The following ZNF487 variants were observed in gnomAD, a reference collection of about 807,000 sequenced individuals.
ZNF487 encodes zinc finger protein 487, also known as KRAB domain only 1.
A neutral mutation model predicts 3.0 loss-of-function variants in ZNF487; 4 were observed. The observed-to-expected ratio is 1.35, with a 90% CI of 0.66 to 3.08. The LOEUF (loss-of-function observed/expected upper bound fraction) is 3.08, where lower values mean the gene tolerates loss of function less well. Ranked by LOEUF, ZNF487 falls within the 30% of genes most tolerant of loss-of-function variation. The pLI is 0.01. For synonymous variants in ZNF487, 55 were observed against 34.6 expected (o/e 1.59, Z -2.06); for missense variants, 146 against 98.7 (o/e 1.48, Z -2.03).
chr10:43,491,877 A>T, the ZNF487 span, among the ~76,000 whole-genome samples: 2 of 151,832 alleles, frequency 1.3e-5, no homozygotes, highest in Non-Finnish European at 2.9e-5. Flanking sequence ...TGTAGGACTT[A>T]TTGAGCAAGA....
chr10:43,478,062 T>C (rs904392952), intron 3 of ZNF487, among the ~76,000 whole-genome samples: 1 of 151,972 alleles, frequency 6.6e-6, no homozygotes, highest in Non-Finnish European at 1.5e-5. Context: ...GAAATCATAA[T>C]ACAGTTAAAG....
intron 1 of ZNF487, among the ~76,000 whole-genome samples, chr10:43,463,225 A>T (rs1240969709): frequency 4.3e-5 from 6 of 139,226 alleles, no homozygotes; most frequent in African/African-American, 1.6e-4. Context: ...CAAGAGCAAA[A>T]CTCCATCTCA....
chr10:43,507,646 G>T, the ZNF487 span, among the ~76,000 whole-genome samples: 1 of 152,188 alleles, frequency 6.6e-6, no homozygotes, highest in Non-Finnish European at 1.5e-5. Context: ...GCTTAGTATG[G>T]CTGCTTACCA....
chr10:43,463,637 A>G (rs1259983087), intron 1 of ZNF487, among the ~76,000 whole-genome samples: 1 of 147,950 alleles, frequency 6.8e-6, no homozygotes, highest in African/African-American at 2.5e-5. Flanking sequence ...TTCCCATCCC[A>G]CCTTGGTCCC....
intron 1 of ZNF487, among the ~76,000 whole-genome samples, chr10:43,442,678 C>G (rs1161370503): frequency 6.6e-6 from 1 of 151,944 alleles, no homozygotes; most frequent in Non-Finnish European, 1.5e-5. Context: ...CTCCTGACCT[C>G]GTGATCCACC....
the ZNF487 span, among the ~76,000 whole-genome samples, chr10:43,503,027 CAAAAAAAAAAAA>C: frequency 1.0e-5 from 1 of 95,746 alleles, no homozygotes; most frequent in Non-Finnish European, 2.2e-5. Flanking sequence ...GACCCTGTCT[CAAAAAAAAAAAA>C]AAAAAAAAAG....
chr10:43,485,640 T>G (rs1297744431), downstream of ZNF487, among the ~76,000 whole-genome samples: 1 of 152,218 alleles, frequency 6.6e-6, no homozygotes, highest in Non-Finnish European at 1.5e-5. Flanking sequence ...TATTGTAGTC[T>G]AGTGTGGTAT....
chr10:43,496,004 G>A, the ZNF487 span: 5 of 530,796 alleles, frequency 9.4e-6, no homozygotes, highest in Admixed American at 9.8e-5. Flanking sequence ...GAACACAGAT[G>A]TACTTTTTCA....
chr10:43,480,029 TTC>T (rs1841282169), intron 3 of ZNF487, among the ~76,000 whole-genome samples: 3 of 69,460 alleles, frequency 4.3e-5, no homozygotes, highest in Non-Finnish European at 8.3e-5. Flanking sequence ...CTTTCTTTCT[TTC>T]TTTCTTTCTT....
chr10:43,514,653 T>C, the ZNF487 span, among the ~76,000 whole-genome samples: 1 of 152,222 alleles, frequency 6.6e-6, no homozygotes, highest in African/African-American at 2.4e-5. Flanking sequence ...CCACCTTGCC[T>C]TTGATGGTTG....
At chr10:43,509,308 C>T in the ZNF487 span, among the ~76,000 whole-genome samples, 5 of 65,884 alleles carry the variant, frequency 7.6e-5, no homozygotes, top group African/African-American at 1.8e-4. Flanking sequence ...AATAGTGCCT[C>T]ATGGTGGATT....
At chr10:43,522,486 C>T in the ZNF487 span, among the ~76,000 whole-genome samples, 2 of 152,198 alleles carry the variant, frequency 1.3e-5, no homozygotes, top group Non-Finnish European at 2.9e-5. Context: ...GTAATCTCTG[C>T]ACTTTGAGAG....
At chr10:43,499,299 C>G in the ZNF487 span, among the ~76,000 whole-genome samples, 4 of 151,974 alleles carry the variant, frequency 2.6e-5, no homozygotes, top group South Asian at 6.2e-4. Flanking sequence ...AAGCTGCACC[C>G]CTGACCAAAA....
intron 1 of ZNF487, among the ~76,000 whole-genome samples, chr10:43,469,648 T>C (rs1840834488): frequency 6.6e-6 from 1 of 152,080 alleles, no homozygotes; most frequent in Non-Finnish European, 1.5e-5. Flanking sequence ...GCCTGCATTT[T>C]TAGGCCATGA....
At chr10:43,476,451 A>G (rs2132138076) in intron 3 of ZNF487, among the ~76,000 whole-genome samples, 1 of 152,270 alleles carries the variant, frequency 6.6e-6, no homozygotes, top group African/African-American at 2.4e-5. Context: ...GTTTAGTCAA[A>G]TGAATGTCAT....
chr10:43,479,634 G>A (rs1004443379), intron 3 of ZNF487, among the ~76,000 whole-genome samples: 1 of 151,680 alleles, frequency 6.6e-6, no homozygotes, highest in East Asian at 1.9e-4. Flanking sequence ...TCTTTTTTTT[G>A]TTGTTTTTAT....
downstream of ZNF487, among the ~76,000 whole-genome samples, chr10:43,487,553 A>T (rs1344150663): frequency 6.8e-6 from 1 of 148,058 alleles, no homozygotes; most frequent in African/African-American, 2.5e-5. Flanking sequence ...GGGTTCAGGA[A>T]ATTCGCCTGC....
chr10:43,513,702 G>T, the ZNF487 span, among the ~76,000 whole-genome samples: 1 of 152,190 alleles, frequency 6.6e-6, no homozygotes, highest in African/African-American at 2.4e-5. Context: ...CAGCTGCTAA[G>T]TATGTCTATG....
chr10:43,500,200 A>G, the ZNF487 span, among the ~76,000 whole-genome samples: 1 of 151,972 alleles, frequency 6.6e-6, no homozygotes, highest in Non-Finnish European at 1.5e-5. Flanking sequence ...TTTAGAGGCA[A>G]GGTCTCACTA....
Sources: gnomAD v4.1 joint callset for allele counts (sites outside exome capture counted in the v4.1 genomes callset) on GRCh38, gnomAD v4.1.1 for gene constraint, MANE v1.5 for transcripts, NCBI Gene and HGNC (gene_info 2026-07-23, HGNC 2026-07-21) for gene names.